NEDD4: variants seen among roughly 807,000 people sequenced by gnomAD.
NEDD4 encodes the protein E3 ubiquitin-protein ligase NEDD4.
In NEDD4, 99 loss-of-function variants were observed where a neutral mutation model predicts 144.9. That is an observed-to-expected ratio of 0.68 (90% CI 0.58 to 0.81). NEDD4 has a LOEUF of 0.81. Ranked by LOEUF, NEDD4 falls within the 30% of genes least tolerant of loss-of-function variation. NEDD4 has a pLI of 0.00. For missense variants in NEDD4, 985 were observed against 1,065.9 expected, an observed-to-expected ratio of 0.92 and a Z score of 1.06; for synonymous variants, 318 against 350.6, an observed-to-expected ratio of 0.91 and a Z score of 1.04.
At chr15:55,893,486 AATTGT>A (rs1378508368) in intron 5 of NEDD4, among the ~76,000 whole-genome samples, 1 of 152,018 alleles carries the variant, frequency 6.6e-6, no homozygotes, top group Non-Finnish European at 1.5e-5. Flanking sequence ...TTAAAACTTT[AATTGT>A]AAGTTTTACA....
chr15:55,964,420 A>C (rs1020428019), intron 2 of NEDD4, among the ~76,000 whole-genome samples: 3 of 152,080 alleles, frequency 2.0e-5, no homozygotes, highest in Admixed American at 6.6e-5. Context: ...TTTGGCTGAC[A>C]AATCTACCCA....
intron 5 of NEDD4, among the ~76,000 whole-genome samples, chr15:55,874,910 G>C (rs541688147): frequency 6.6e-6 from 1 of 151,958 alleles, no homozygotes; most frequent in Non-Finnish European, 1.5e-5. Context: ...GGAGGCAGAC[G>C]TTGCAGTGAG....
chr15:55,867,002 T>C (rs1305147440), intron 8 of NEDD4, among the ~76,000 whole-genome samples: 2 of 152,212 alleles, frequency 1.3e-5, no homozygotes, highest in African/African-American at 4.8e-5. Flanking sequence ...AAGAAAGCAT[T>C]CAGAGGTACA....
At chr15:55,868,298 G>A (rs1436531043) in intron 8 of NEDD4, among the ~76,000 whole-genome samples, 1 of 152,152 alleles carries the variant, frequency 6.6e-6, no homozygotes, top group African/African-American at 2.4e-5. Context: ...AAAGTGTTAA[G>A]CAAGGCAACA....
At chr15:55,962,118 T>C (rs1387915412) in intron 2 of NEDD4, among the ~76,000 whole-genome samples, 1 of 152,216 alleles carries the variant, frequency 6.6e-6, no homozygotes, top group African/African-American at 2.4e-5. Context: ...CTGATTGACT[T>C]TATTCTTTAT....
chr15:55,930,856 G>C (rs1338924650), intron 4 of NEDD4, among the ~76,000 whole-genome samples: 1 of 152,126 alleles, frequency 6.6e-6, no homozygotes, highest in Non-Finnish European at 1.5e-5. Flanking sequence ...CCATGATTGT[G>C]AGGCCTCCCC....
At chr15:55,989,633 G>A (rs1236494455) in intron 1 of NEDD4, among the ~76,000 whole-genome samples, 1 of 152,194 alleles carries the variant, frequency 6.6e-6, no homozygotes, top group African/African-American at 2.4e-5. Flanking sequence ...ACCGATAGCG[G>A]AGACTCTGAA....
intron 14 of NEDD4, 141 bp from the exon 15 acceptor site, chr15:55,849,027 T>C (rs2033871279): frequency 3.0e-6 from 2 of 665,198 alleles, no homozygotes; most frequent in Admixed American, 2.7e-5. Context: ...TTCCTAAATA[T>C]GTGACACAAT....
At chr15:55,905,968 G>A (rs187131622) in intron 5 of NEDD4, among the ~76,000 whole-genome samples, 87 of 152,248 alleles carry the variant, frequency 5.7e-4, no homozygotes, top group East Asian at 1.5e-3. Context: ...ACAAGTGGGC[G>A]AAGGATATGA....
intron 5 of NEDD4, among the ~76,000 whole-genome samples, chr15:55,894,022 G>T (rs1191349142): frequency 6.6e-6 from 1 of 151,978 alleles, no homozygotes; most frequent in African/African-American, 2.4e-5. Flanking sequence ...ATGTCAATGA[G>T]GAAATGGAGT....
At chr15:55,981,904 T>C (rs867187187) in intron 1 of NEDD4, among the ~76,000 whole-genome samples, 2 of 152,212 alleles carry the variant, frequency 1.3e-5, no homozygotes, top group African/African-American at 4.8e-5. Context: ...TATTCCTCAT[T>C]TAAAATACTA....
At chr15:55,868,056 C>CA (rs201455596) in intron 8 of NEDD4, among the ~76,000 whole-genome samples, 6,137 of 109,104 alleles carry the variant, frequency 0.056, 147 homozygotes, top group African/African-American at 0.093. Context: ...ACTCTGACTC[C>CA]AAAAAAAAAA....
intron 5 of NEDD4, among the ~76,000 whole-genome samples, chr15:55,883,489 G>C (rs1188286969): frequency 6.6e-6 from 1 of 152,106 alleles, no homozygotes; most frequent in African/African-American, 2.4e-5. Flanking sequence ...CACAAGCCTG[G>C]CTGACTTTAT....
At position 55,951,693 on chromosome 15, in the gene NEDD4, T is replaced by G. The variant is rs965276029; in HGVS notation, c.120-104A>C. ...TTCACAGTTTTCCTTGTTAGTTATA[T>G]CTACAATTATTTCCTGAATTTAAAA... On this transcript the variant is annotated intron_variant, in intron 2 of 28. Transcript: ENST00000435532. 4 of 815,840 alleles carry G rather than the reference T, an allele frequency of 4.9e-6. No individual in the cohort carries two copies. In the Admixed American group the frequency reaches 1.2e-4, roughly 24 times the overall value. The allele number at this position is 815,840 out of a possible 1,614,324, so 50.5% of individuals were successfully genotyped here. A position where few individuals can be genotyped will look rare whatever the true frequency, so the allele number is the denominator to read the frequency against.
At chr15:55,900,794 A>G (rs1296867036) in intron 5 of NEDD4, among the ~76,000 whole-genome samples, 5 of 152,312 alleles carry the variant, frequency 3.3e-5, no homozygotes, top group African/African-American at 1.2e-4. Flanking sequence ...ACTGCCAACT[A>G]AACATTTTAA....
At chr15:55,974,636 G>A (rs906385853) in intron 1 of NEDD4, among the ~76,000 whole-genome samples, 1 of 151,820 alleles carries the variant, frequency 6.6e-6, no homozygotes, top group Non-Finnish European at 1.5e-5. Context: ...AAAGTCAAAT[G>A]TCATATCAAC....
chr15:55,875,759 A>T (rs757721935), intron 5 of NEDD4, among the ~76,000 whole-genome samples: 1 of 152,172 alleles, frequency 6.6e-6, no homozygotes, highest in Non-Finnish European at 1.5e-5. Flanking sequence ...TGAAAAATAA[A>T]GGGAACTTGT....
chr15:55,915,273 A>T (rs1595839345), intron 5 of NEDD4: 3 of 1,545,480 alleles, frequency 1.9e-6, no homozygotes, highest in Non-Finnish European at 2.6e-6. Flanking sequence ...CCAAGACCAA[A>T]GGAAACTTAC....
chr15:55,844,637 T>C (rs983762533), intron 18 of NEDD4, among the ~76,000 whole-genome samples: 1 of 152,076 alleles, frequency 6.6e-6, no homozygotes, highest in African/African-American at 2.4e-5. Flanking sequence ...GGGATAATAA[T>C]AATGATAGCT....
Sources: allele counts gnomAD v4.1 joint callset (sites outside exome capture counted in the v4.1 genomes callset), GRCh38; gene constraint gnomAD v4.1.1; transcripts MANE v1.5; gene names NCBI Gene and HGNC (gene_info 2026-07-23, HGNC 2026-07-21).